The following TULP4 variants were observed in gnomAD, a reference collection of about 807,000 sequenced individuals.
The protein encoded by TULP4 is TUB like protein 4, also known as tubby-related protein 4.
Under a neutral mutation model 129.0 loss-of-function variants are expected in TULP4, and 16 were observed. The observed-to-expected ratio is 0.12, with a 90% confidence interval of 0.08 to 0.19. The LOEUF is 0.19. Among genes scored for constraint, TULP4 ranks in the 10% least tolerant of loss-of-function variants. TULP4 has a pLI of 1.00. For missense variants in TULP4, 1,842 were observed against 2,059.1 expected, an observed-to-expected ratio of 0.89 and a Z score of 2.04; for synonymous variants, 998 against 854.0, an observed-to-expected ratio of 1.17 and a Z score of -2.94.
At chr6:158,395,675 G>GGGGGCC (rs374125332) in intron 1 of TULP4, among the ~76,000 whole-genome samples, 1 of 88,076 alleles carries the variant, frequency 1.1e-5, no homozygotes, top group Non-Finnish European at 2.2e-5. Flanking sequence ...GGGCGGGGGG[G>GGGGGCC]GGGTCATGGC....
intron 3 of TULP4, among the ~76,000 whole-genome samples, chr6:158,440,647 G>T (rs1439085236): frequency 6.6e-6 from 1 of 152,210 alleles, no homozygotes; most frequent in African/African-American, 2.4e-5. Context: ...GTCAAAATCA[G>T]CAAGGAGCAC....
At position 158,503,179 on chromosome 6, in the gene TULP4, G is replaced by A. The variant is rs761968020; in HGVS notation, c.3516G>A (p.Lys1172=). The change falls in exon 13 of 14, where the codon AAG becomes AAA. Residue 1172 remains lysine (K), a synonymous_variant. Transcript: ENST00000367097. The surrounding 1 kb of genome is among the most constrained non-coding windows in gnomAD (Gnocchi z 4.3). ...CCCGACTGCCCTTCATCTCCCCCAA[G>A]TCTCCTGCCAGCCCCACTGCCACTT... ...DVSRLPFISP[K]SPASPTATFQ... 2 of 1,613,768 alleles carry A rather than the reference G, an allele frequency of 1.2e-6. No homozygotes were observed. The highest frequency in any genetic ancestry group is 2.2e-5 in the South Asian group (2 of 91,042).
chr6:158,403,655 T>C (rs1335162388), intron 1 of TULP4, among the ~76,000 whole-genome samples: 1 of 152,228 alleles, frequency 6.6e-6, no homozygotes, highest in Non-Finnish European at 1.5e-5. Context: ...TTTCGCGTGT[T>C]AGGCAAACTT....
In TULP4 at chr6:158,237,354, A is replaced by G; in HGVS notation, n.68+5051A>G. 4 of 1,611,910 alleles carry G rather than the reference A, an allele frequency of 2.5e-6. No homozygotes were observed. The Admixed American group carries it at 5.0e-5, about 20-fold the overall frequency. ...ATTCTCATCACCAGCCACCTTTTCC[A>G]CCTTTCTTCTTTTTCTGTTGCTGTT... On this transcript the variant is annotated intron_variant and non_coding_transcript_variant, in intron 1 of 1. Coordinates refer to the TULP4 transcript ENST00000620026.
At chr6:158,255,823 G>A (rs1420047435) in intron 1 of TULP4, among the ~76,000 whole-genome samples, 1 of 152,210 alleles carries the variant, frequency 6.6e-6, no homozygotes, top group African/African-American at 2.4e-5. Flanking sequence ...GCTAACTGAT[G>A]CAATAGCTGT....
intron 1 of TULP4, among the ~76,000 whole-genome samples, chr6:158,362,857 C>T (rs1161582266): frequency 3.5e-5 from 2 of 57,932 alleles, no homozygotes; most frequent in African/African-American, 5.9e-5. Context: ...GTCAGGAGTT[C>T]GAGACTAGCC....
chr6:158,431,594 C>G (rs2115064351), intron 3 of TULP4, among the ~76,000 whole-genome samples: 1 of 152,272 alleles, frequency 6.6e-6, no homozygotes, highest in Middle Eastern at 3.4e-3. Flanking sequence ...AATCTGCTGC[C>G]GTGGCTTGGC....
intron 1 of TULP4, among the ~76,000 whole-genome samples, chr6:158,305,324 C>T (rs202117865): frequency 3.8e-4 from 54 of 141,834 alleles, no homozygotes; most frequent in Middle Eastern, 3.5e-3. Context: ...ATTCTGTGTG[C>T]GTGTGTGTGT....
chr6:158,370,457 C>CA (rs533005080), intron 1 of TULP4, among the ~76,000 whole-genome samples: 11,597 of 28,682 alleles, frequency 0.4, 3,533 homozygotes, highest in African/African-American at 0.59. Context: ...AACTCCATCT[C>CA]AAAAAAAAAA....
chr6:158,329,430 T>C (rs1345091615), intron 1 of TULP4, among the ~76,000 whole-genome samples: 1 of 146,176 alleles, frequency 6.8e-6, no homozygotes, highest in African/African-American at 2.5e-5. Context: ...ATTTTTAGAG[T>C]TTAAGGAAGA....
chr6:158,419,807 T>C (rs1002086549), intron 2 of TULP4, among the ~76,000 whole-genome samples: 3 of 152,188 alleles, frequency 2.0e-5, no homozygotes, highest in African/African-American at 7.2e-5. Flanking sequence ...CACTTATTAA[T>C]AGCATCACAA....
At chr6:158,489,913 G>A (rs774707410) in intron 9 of TULP4, among the ~76,000 whole-genome samples, 181 bp downstream of exon 9, 3 of 152,110 alleles carry the variant, frequency 2.0e-5, no homozygotes, top group Non-Finnish European at 4.4e-5. Flanking sequence ...TGTTTCCTTC[G>A]GGATAGACAA....
intron 1 of TULP4, chr6:158,238,355 A>G (rs1284744917): frequency 2.7e-6 from 2 of 739,184 alleles, no homozygotes; most frequent in Non-Finnish European, 2.4e-6. Context: ...AAACTGGCAG[A>G]TATTTTGAGG....
chr6:158,255,221 T>C (rs188186558), intron 1 of TULP4, among the ~76,000 whole-genome samples: 20 of 152,296 alleles, frequency 1.3e-4, no homozygotes, highest in Admixed American at 1.3e-3. Flanking sequence ...TCTTGGCAGT[T>C]GTAGACACTG....
chr6:158,267,559 G>T (rs1214359717), intron 1 of TULP4, among the ~76,000 whole-genome samples: 1 of 152,178 alleles, frequency 6.6e-6, no homozygotes, highest in Non-Finnish European at 1.5e-5. Flanking sequence ...CTGTTGCTCT[G>T]TTAGGCCTCT....
chr6:158,240,645 A>C lies in TULP4; in HGVS notation n.68+8342A>C, dbSNP rs867029906. ...CCAGACGGGGCGGCTGGCCGGGTGGAGGCTGACCCCCCCACCTCCCTCCCA... is the reference window on the plus strand; with the variant it reads ...CCAGACGGGGCGGCTGGCCGGGTGGCGGCTGACCCCCCCACCTCCCTCCCA... On this transcript the variant is annotated intron_variant and non_coding_transcript_variant, in intron 1 of 1. Coordinates refer to the TULP4 transcript ENST00000620026. Among the ~76,000 whole-genome samples, 5 of 94,326 alleles carry C rather than the reference A, an allele frequency of 5.3e-5. 2 individuals carry two copies. The highest frequency in any genetic ancestry group is 1.4e-4 in the African/African-American group (4 of 29,292). 61.9% of individuals were successfully genotyped at this position (94,326 alleles called of 152,430 possible).
At chr6:158,444,090 CAA>C (rs1206602824) in intron 3 of TULP4, among the ~76,000 whole-genome samples, 162 of 151,746 alleles carry the variant, frequency 1.1e-3, no homozygotes, top group African/African-American at 2.7e-3. Context: ...CGTGGTGGCG[CAA>C]GCCTGTAGTC....
At chr6:158,306,836 G>T (rs532849906) in intron 1 of TULP4, among the ~76,000 whole-genome samples, 19 of 152,036 alleles carry the variant, frequency 1.2e-4, no homozygotes, top group African/African-American at 4.3e-4. Flanking sequence ...CCTGGCTAAC[G>T]TGGCGAAACC....
chr6:158,498,167 C>G (rs777593493), intron 11 of TULP4, among the ~76,000 whole-genome samples: 21 of 152,208 alleles, frequency 1.4e-4, no homozygotes, highest in Non-Finnish European at 2.2e-4. Context: ...AGGTTCCAGC[C>G]GAAATGAAGG....
Sources: allele counts gnomAD v4.1 joint callset (sites outside exome capture counted in the v4.1 genomes callset), GRCh38; gene constraint gnomAD v4.1.1; non-coding constraint Gnocchi (gnomAD v3.1); transcripts MANE v1.5; gene names NCBI Gene and HGNC (gene_info 2026-07-23, HGNC 2026-07-21).